SCMH1: variants seen among roughly 807,000 people sequenced by gnomAD.
SCMH1 encodes the protein Scm polycomb group protein homolog 1, also known as polycomb protein SCMH1.
A neutral mutation model predicts 70.8 loss-of-function variants in SCMH1; 37 were observed. The observed-to-expected ratio is 0.52, with a 90% CI of 0.40 to 0.69. The LOEUF is 0.69. Ranked by LOEUF, SCMH1 falls within the 30% of genes least tolerant of loss-of-function variation. The pLI, the probability that SCMH1 is intolerant of heterozygous loss-of-function variation, is 0.00. For synonymous variants in SCMH1, 292 were observed against 307.4 expected (o/e 0.95, Z 0.52); for missense variants, 607 against 827.3 (o/e 0.73, Z 3.27).
At chr1:41,239,609 A>G (rs752514156) in intron 1 of SCMH1, among the ~76,000 whole-genome samples, 1 of 152,236 alleles carries the variant, frequency 6.6e-6, no homozygotes, top group South Asian at 2.1e-4. Flanking sequence ...TAGTAGGTAC[A>G]TAAGTGTACA....
chr1:41,062,155 C>G (rs548429632), intron 10 of SCMH1, among the ~76,000 whole-genome samples: 19 of 151,864 alleles, frequency 1.3e-4, no homozygotes, highest in African/African-American at 4.4e-4. Flanking sequence ...CGTGAGCCAC[C>G]GCACCCAGCC....
chr1:41,077,340 A>G (rs546041143), intron 8 of SCMH1, among the ~76,000 whole-genome samples: 1 of 152,212 alleles, frequency 6.6e-6, no homozygotes, highest in Non-Finnish European at 1.5e-5. Context: ...GACAAACTGG[A>G]AACTTAAGGA....
chr1:41,113,232 C>T lies in SCMH1; in HGVS notation c.745+51G>A. 3 of 1,584,404 alleles carry T rather than the reference C, an allele frequency of 1.9e-6. No homozygotes were observed. In the South Asian group the frequency reaches 3.5e-5, roughly 18 times the overall value. ...TATGATCATGACAGCCCTGGGTAGTCTCCCTTATCATCTGGGTCCTGATTT... is the reference window on the plus strand; with the variant it reads ...TATGATCATGACAGCCCTGGGTAGTTTCCCTTATCATCTGGGTCCTGATTT... On this transcript the variant is annotated intron_variant, in intron 8 of 14. Coordinates refer to ENST00000337495, the Ensembl canonical transcript of SCMH1. The surrounding 1 kb of genome is among the most constrained non-coding windows in gnomAD (Gnocchi z 4.3).
At chr1:41,187,839 G>A (rs1035699416) in intron 1 of SCMH1, among the ~76,000 whole-genome samples, 2 of 151,194 alleles carry the variant, frequency 1.3e-5, no homozygotes, top group Non-Finnish European at 2.9e-5. Context: ...ATAAAAATTA[G>A]CCAGGTGTGG....
chr1:41,048,327 G>C (rs555370563), intron 11 of SCMH1, among the ~76,000 whole-genome samples: 1 of 152,334 alleles, frequency 6.6e-6, no homozygotes, highest in Admixed American at 6.5e-5. Flanking sequence ...TGATAGAGGA[G>C]TTCAGTGGTT....
intron 8 of SCMH1, among the ~76,000 whole-genome samples, chr1:41,102,165 G>T (rs550865093): frequency 1.3e-5 from 2 of 150,862 alleles, no homozygotes; most frequent in African/African-American, 4.8e-5. Context: ...TATTGTGCAT[G>T]CACACGCATG....
chr1:41,062,132 C>T (rs1251550343), intron 10 of SCMH1, among the ~76,000 whole-genome samples: 1 of 152,038 alleles, frequency 6.6e-6, no homozygotes, highest in African/African-American at 2.4e-5. Context: ...TCCCAAAGTG[C>T]TGGGATTACA....
intron 9 of SCMH1, among the ~76,000 whole-genome samples, chr1:41,071,309 A>C (rs1360947260): frequency 6.6e-6 from 1 of 151,944 alleles, no homozygotes; most frequent in Admixed American, 6.6e-5. Flanking sequence ...TTTTAAATTT[A>C]TTTTACAAAT....
intron 1 of SCMH1, among the ~76,000 whole-genome samples, chr1:41,219,701 G>A (rs1354434074): frequency 6.6e-6 from 1 of 152,172 alleles, no homozygotes; most frequent in African/African-American, 2.4e-5. Flanking sequence ...AGGCCAAGGT[G>A]GGCGGATCAC....
chr1:41,127,149 T>A (rs899756315), intron 6 of SCMH1, among the ~76,000 whole-genome samples: 3 of 152,228 alleles, frequency 2.0e-5, no homozygotes, highest in Admixed American at 6.5e-5. Flanking sequence ...GGACCATTTG[T>A]ATATCTTCTG....
chr1:41,083,656 C>T (rs11582821), intron 8 of SCMH1, among the ~76,000 whole-genome samples: 11,876 of 152,182 alleles, frequency 0.078, 598 homozygotes, highest in South Asian at 0.13. Flanking sequence ...AAAAAAGAGC[C>T]CGCATCGCCA....
chr1:41,105,246 G>A (rs1358733252), intron 8 of SCMH1, among the ~76,000 whole-genome samples: 2 of 152,042 alleles, frequency 1.3e-5, no homozygotes, highest in Non-Finnish European at 1.5e-5. Flanking sequence ...TTACAGGCAT[G>A]AGCCACTGTG....
At chr1:41,183,269 T>C (rs193257758) in intron 2 of SCMH1, among the ~76,000 whole-genome samples, 1 of 152,308 alleles carries the variant, frequency 6.6e-6, no homozygotes, top group East Asian at 1.9e-4. Context: ...AATTCCTTTG[T>C]TCTCACTGCC....
chr1:41,029,855 A>G (rs1253542027), intron 13 of SCMH1, among the ~76,000 whole-genome samples: 1 of 152,184 alleles, frequency 6.6e-6, no homozygotes. Context: ...ATTCTGTACC[A>G]TTTTCCCCCA....
At chr1:41,028,367 G>A (rs1201835427) in intron 14 of SCMH1, 48 bp from the exon 16 acceptor site, 6 of 1,606,402 alleles carry the variant, frequency 3.7e-6, no homozygotes, top group Non-Finnish European at 5.1e-6. Context: ...CACCATCAGA[G>A]TCCTGGTTGG....
At chr1:41,193,112 A>G (rs1201762048) in intron 1 of SCMH1, among the ~76,000 whole-genome samples, 1 of 152,256 alleles carries the variant, frequency 6.6e-6, no homozygotes, top group Non-Finnish European at 1.5e-5. Flanking sequence ...AACCTAGAGG[A>G]ATCCTTCCCT....
intron 2 of SCMH1, among the ~76,000 whole-genome samples, chr1:41,177,555 G>C (rs1235826212): frequency 2.0e-5 from 3 of 152,192 alleles, no homozygotes; most frequent in Non-Finnish European, 4.4e-5. Context: ...GGACCTGATG[G>C]AGCTGAAAAC....
chr1:41,111,095 C>A (rs1209425146), intron 8 of SCMH1, among the ~76,000 whole-genome samples: 1 of 152,186 alleles, frequency 6.6e-6, no homozygotes, highest in African/African-American at 2.4e-5. Context: ...GGAGAAATAT[C>A]TATCCAAATC....
chr1:41,195,213 A>G (rs571721367), intron 1 of SCMH1, among the ~76,000 whole-genome samples: 2 of 151,728 alleles, frequency 1.3e-5, no homozygotes, highest in Non-Finnish European at 2.9e-5. Flanking sequence ...CTATTGAAAC[A>G]TGAAACTAGC....
Sources: gnomAD v4.1 joint callset for allele counts (sites outside exome capture counted in the v4.1 genomes callset) on GRCh38, gnomAD v4.1.1 for gene constraint, Gnocchi (gnomAD v3.1) non-coding constraint, MANE v1.5 for transcripts, NCBI Gene and HGNC (gene_info 2026-07-23, HGNC 2026-07-21) for gene names.